NEFH: variants seen among roughly 807,000 people sequenced by gnomAD.
NEFH encodes neurofilament heavy chain.
Under a neutral mutation model 56.6 loss-of-function variants are expected in NEFH, and 58 were observed. The observed-to-expected ratio is 1.03, with a 90% CI of 0.83 to 1.28. The LOEUF (loss-of-function observed/expected upper bound fraction) is 1.28, where lower values mean the gene tolerates loss of function less well. NEFH is among the 50% of genes most tolerant of loss of function. The probability of loss-of-function intolerance (pLI) is 0.00; values close to 1 mark genes in which losing one functional copy is unlikely to be tolerated. For synonymous variants in NEFH, 542 were observed against 545.8 expected (o/e 0.99, Z 0.10); for missense variants, 1,221 against 1,307.6 (o/e 0.93, Z 1.02).
intron 1 of NEFH, 21 bp downstream of exon 1, chr22:29,481,166 G>GGGGAGGGGCGCCCC: frequency 5.9e-6 from 9 of 1,523,832 alleles, no homozygotes; most frequent in Non-Finnish European, 7.9e-6. Flanking sequence ...GCGCGGGTGG[G>GGGGAGGGGCGCCCC]GGGAGGGGCG....
rs148281272 is a variant in NEFH, at chr22:29,490,417, C to T, written c.2777C>T (p.Thr926Ile). ...VKEDAKPKEK[T>I]EVAKKEPDDA... ...GAAGACGCTAAACCCAAAGAAAAGA[C>T]AGAGGTAGCCAAGAAGGAACCAGAT... The change falls in exon 4 of 4, where the codon ACA becomes ATA. Residue 926 changes from threonine (T) to isoleucine (I), a missense_variant. Transcript: ENST00000310624. The T allele has an allele frequency of 1.2e-5, 19 of 1,609,964 alleles. No homozygotes were observed. The African/African-American group carries it at 2.0e-4, about 17-fold the overall frequency.
chr22:29,481,287 T>A, intron 1 of NEFH, 142 bp downstream of exon 1: 1 of 810,276 alleles, frequency 1.2e-6, no homozygotes, highest in Non-Finnish European at 1.9e-6. Context: ...TGCATGCCCC[T>A]AGTTAAATCG....
chr22:29,482,914 G>A (rs1321511044), intron 1 of NEFH, among the ~76,000 whole-genome samples: 2 of 152,156 alleles, frequency 1.3e-5, no homozygotes, highest in African/African-American at 4.8e-5. Context: ...TATCTCACAG[G>A]ACAGAGTGAG....
intron 1 of NEFH, 96 bp downstream of exon 1, chr22:29,481,241 G>GCCAC: frequency 2.4e-6 from 3 of 1,224,804 alleles, no homozygotes; most frequent in Non-Finnish European, 3.4e-6. Flanking sequence ...CGGACTGCGC[G>GCCAC]TGGAGTGGCG....
At position 29,480,541 on chromosome 22, in the gene NEFH, C is replaced by G; in HGVS notation, c.279C>G (p.Thr93=). ...AGGGCTGCATGGTGGCGGTGGCCACCTCACGCAGTGAGAAGGAGCAGCTGC... is the reference window on the plus strand; with the variant it reads ...AGGGCTGCATGGTGGCGGTGGCCACGTCACGCAGTGAGAAGGAGCAGCTGC... ...GPEGCMVAVA[T]SRSEKEQLQA... is the part of the protein sequence containing the mutation. The change falls in exon 1 of 4, where the codon ACC becomes ACG. Residue 93 remains threonine (T), a synonymous_variant. Coordinates refer to ENST00000310624, the MANE Select transcript of NEFH (RefSeq NM_021076.4). The G allele has an allele frequency of 6.5e-7, 1 of 1,538,486 alleles. No homozygotes were observed. Among genetic ancestry groups the G allele is most frequent in the Non-Finnish European group, 8.7e-7 (1 of 1,148,894 alleles).
chr22:29,484,422 T>C (rs1388085466), intron 2 of NEFH, among the ~76,000 whole-genome samples: 6 of 151,974 alleles, frequency 3.9e-5, no homozygotes, highest in African/African-American at 1.2e-4. Context: ...GGTGGATCAC[T>C]TGAGGTCAGG....
At chr22:29,487,046 G>T (rs1480150521) in intron 3 of NEFH, among the ~76,000 whole-genome samples, 1 of 152,192 alleles carries the variant, frequency 6.6e-6, no homozygotes, top group Non-Finnish European at 1.5e-5. Flanking sequence ...CCATGTCATA[G>T]GGTTGTCAGG....
rs189299986 is a variant in NEFH at position 29,484,288 on chromosome 22, A to G, written c.1083+714A>G. On this transcript the variant is annotated intron_variant, in intron 2 of 3. Coordinates refer to ENST00000310624, the MANE Select transcript of NEFH (RefSeq NM_021076.4). ...GTCTTGGTCGCAGTGGACATTCTGTAAACAGCAACCAGTGTCTTGGGTGGC... is the reference window on the plus strand; with the variant it reads ...GTCTTGGTCGCAGTGGACATTCTGTGAACAGCAACCAGTGTCTTGGGTGGC... 3.3e-3 allele frequency among the ~76,000 whole-genome samples: 506 copies of G among 152,306 alleles called. 2 individuals are homozygous for G. The highest frequency in any genetic ancestry group is 5.1e-3 in the Non-Finnish European group (345 of 68,024).
intron 3 of NEFH, among the ~76,000 whole-genome samples, chr22:29,487,867 TC>T (rs2063053170): frequency 1.3e-5 from 2 of 152,214 alleles, no homozygotes; most frequent in South Asian, 4.1e-4. Context: ...CTAATGACCC[TC>T]TTTTTCCAGT....
At chr22:29,483,619 G>T (rs767871126) in intron 2 of NEFH, 45 bp downstream of exon 2, 2 of 1,596,748 alleles carry the variant, frequency 1.3e-6, no homozygotes, top group African/African-American at 2.7e-5. Flanking sequence ...TACCTGATTG[G>T]GTAGCCCTGG....
At position 29,482,456 on chromosome 22, in the gene NEFH, C is replaced by CG. The variant is rs148457788; in HGVS notation, c.884-914dup. On this transcript the variant is annotated intron_variant, in intron 1 of 3. Coordinates refer to ENST00000310624, the MANE Select transcript of NEFH (RefSeq NM_021076.4). ...CTGGGAACCACGAGCGGGTTGCTGG[C>CG]GGGGGCCGGGGTGTGGCTACCAATG... 8.7e-3 allele frequency among the ~76,000 whole-genome samples: 1,323 copies of CG among 152,084 alleles called. 26 individuals carry two copies. The highest frequency in any genetic ancestry group is 0.03 in the African/African-American group (1,260 of 41,364).
chr22:29,483,414 C>T lies in NEFH; in HGVS notation c.923C>T (p.Thr308Ile), dbSNP rs2063023919. 1 of 1,613,890 alleles carries T rather than the reference C, an allele frequency of 6.2e-7. No individual in the cohort carries two copies. The highest frequency in any genetic ancestry group is 1.7e-5 in the Admixed American group (1 of 60,032). ...CTGTCGGAGGCAGCCAAGGTGAACA[C>T]AGACGCTATGCGCTCAGCGCAGGAG... Reference protein sequence around the residue: ...DRLSEAAKVNTDAMRSAQEEI... With the variant: ...DRLSEAAKVNIDAMRSAQEEI... Residue 308 changes from threonine (T) to isoleucine (I), a missense_variant, in exon 2 of 4, where the codon ACA (threonine) becomes ATA (isoleucine). Thr to Ile is a moderately conservative substitution (Grantham distance 89). Coordinates refer to ENST00000310624, the MANE Select transcript of NEFH (RefSeq NM_021076.4).
chr22:29,481,173 G>GCCCC, intron 1 of NEFH, 28 bp downstream of exon 1: 12 of 1,180,946 alleles, frequency 1.0e-5, no homozygotes, highest in South Asian at 2.6e-5. Flanking sequence ...TGGGGGGAGG[G>GCCCC]GCGCCCCTGC....
rs1264276895 is a variant in NEFH at position 29,489,928 on chromosome 22, C to T, written c.2288C>T (p.Ser763Phe). 9.3e-6 allele frequency: 15 copies of T among 1,612,924 alleles called. 1 individual carries two copies. The East Asian group carries it at 3.3e-4, about 36-fold the overall frequency. Residue 763 changes from serine to phenylalanine, a missense_variant, in exon 4 of 4, where the codon TCT (serine) becomes TTT (phenylalanine). Coordinates refer to ENST00000310624, the MANE Select transcript of NEFH (RefSeq NM_021076.4). Reference sequence around the variant, plus strand: ...AAGGCCAAGACTCTTGATGTGAAGTCTCCAGAAGCCAAGACTCCAGCGAAG... The same window carrying T: ...AAGGCCAAGACTCTTGATGTGAAGTTTCCAGAAGCCAAGACTCCAGCGAAG... The part of the protein sequence containing the change: ...PEKAKTLDVK[S>F]PEAKTPAKEE...
chr22:29,480,919 G>A lies in NEFH; in HGVS notation c.657G>A (p.Lys219=). 6.6e-7 allele frequency: 1 copy of A among 1,515,090 alleles called. No homozygotes were observed. The highest frequency in any genetic ancestry group is 8.8e-7 in the Non-Finnish European group (1 of 1,139,456). 93.9% of individuals were successfully genotyped at this position (1,515,090 alleles called of 1,614,324 possible). Reference sequence around the variant, plus strand: ...CGGCGCGCGTGGACCTGCAGAAGAAGGCGCAGGCGCTGCAGGAGGAGTGCG... The same window carrying A: ...CGGCGCGCGTGGACCTGCAGAAGAAAGCGCAGGCGCTGCAGGAGGAGTGCG... ...AEAARVDLQK[K]AQALQEECGY... The change falls in exon 1 of 4, where the codon AAG becomes AAA. Residue 219 remains lysine, a synonymous_variant. Transcript: ENST00000310624.
chr22:29,490,672 C>T lies in NEFH; in HGVS notation c.3032C>T (p.Ala1011Val), dbSNP rs1325062850. ...AAAGACAGCAAGCCTCCAGAGAAGG[C>T]CACAGAAGACAAGGCCGCCAAGGGG... ...DQKDSKPPEK[A>V]TEDKAAKGK The change falls in exon 4 of 4, where the codon GCC becomes GTC. Residue 1011 changes from alanine (A) to valine (V), a missense_variant. Coordinates refer to ENST00000310624, the MANE Select transcript of NEFH (RefSeq NM_021076.4). The T allele has an allele frequency of 6.2e-7, 1 of 1,614,116 alleles. No homozygotes were observed. The highest frequency in any genetic ancestry group is 2.2e-5 in the East Asian group (1 of 44,880).
chr22:29,480,914 A>G lies in NEFH; in HGVS notation c.652A>G (p.Lys218Glu). The change falls in exon 1 of 4, where the codon AAG becomes GAG. Residue 218 changes from lysine to glutamate, a missense_variant. Transcript: ENST00000310624. ...CGAGGCGGCGCGCGTGGACCTGCAG[A>G]AGAAGGCGCAGGCGCTGCAGGAGGA... ...EAEAARVDLQ[K>E]KAQALQEECG... 6.6e-7 allele frequency: 1 copy of G among 1,509,378 alleles called. No individual in the cohort carries two copies. The highest frequency in any genetic ancestry group is 1.2e-5 in the South Asian group (1 of 81,542). The allele number at this position is 1,509,378 out of a possible 1,614,324, so 93.5% of individuals were successfully genotyped here.
In NEFH at chr22:29,489,162, G is replaced by T; in HGVS notation, c.1522G>T (p.Glu508Ter). ...EEETKSPPAE[E>*]AASPEKEAKS... ...AGAAACAAAGTCTCCCCCAGCAGAAGAGGCTGCATCCCCAGAGAAGGAAGC... is the reference window on the plus strand; with the variant it reads ...AGAAACAAAGTCTCCCCCAGCAGAATAGGCTGCATCCCCAGAGAAGGAAGC... Residue 508 changes from glutamate to a stop codon, truncating the protein, a stop_gained, in exon 4 of 4, where the codon GAG becomes TAG. Coordinates refer to ENST00000310624, the MANE Select transcript of NEFH (RefSeq NM_021076.4). LOFTEE classifies it low-confidence loss of function (END_TRUNC). 6.2e-7 allele frequency: 1 copy of T among 1,614,052 alleles called. No individual in the cohort carries two copies. Among genetic ancestry groups the T allele is most frequent in the Non-Finnish European group, 8.5e-7 (1 of 1,179,942 alleles).
chr22:29,481,863 G>A (rs1457985924), intron 1 of NEFH, among the ~76,000 whole-genome samples: 1 of 152,124 alleles, frequency 6.6e-6, no homozygotes, highest in Non-Finnish European at 1.5e-5. Context: ...GCTAGATTGC[G>A]CTGCCCTGAG....
Sources: allele counts gnomAD v4.1 joint callset (sites outside exome capture counted in the v4.1 genomes callset), GRCh38; gene constraint gnomAD v4.1.1; transcripts MANE v1.5; gene names NCBI Gene and HGNC (gene_info 2026-07-23, HGNC 2026-07-21).